Variants in ATG10 observed in about 807,000 individuals in gnomAD.
ATG10 encodes the protein ubiquitin-like-conjugating enzyme ATG10.
Under a neutral mutation model 32.1 loss-of-function variants are expected in ATG10, and 30 were observed. The observed-to-expected ratio is 0.94, with a 90% CI of 0.70 to 1.27. The LOEUF (loss-of-function observed/expected upper bound fraction) is 1.27. ATG10 is among the 50% of genes most tolerant of loss of function. The pLI, the probability that ATG10 is intolerant of heterozygous loss-of-function variation, is 0.00. For missense variants in ATG10, 233 were observed against 262.3 expected, an observed-to-expected ratio of 0.89 and a Z score of 0.77; for synonymous variants, 87 against 91.5, an observed-to-expected ratio of 0.95 and a Z score of 0.28.
intron 3 of ATG10, among the ~76,000 whole-genome samples, chr5:82,103,575 C>A (rs1157494723): frequency 6.6e-6 from 1 of 152,050 alleles, no homozygotes; most frequent in East Asian, 1.9e-4. Context: ...CCCCTGCCCC[C>A]AGGGACTTAA....
Position 82,233,321 on chromosome 5 carries a change from C to T in ATG10, c.454-19241C>T, listed in dbSNP as rs563677492. 1.3e-4 allele frequency among the ~76,000 whole-genome samples: 20 copies of T among 152,308 alleles called. No homozygotes were observed. The South Asian group carries it at 2.7e-3, about 21-fold the overall frequency. On this transcript the variant is annotated intron_variant, in intron 5 of 7. Transcript: ENST00000282185. ...CTGATCTGAGCCTAAAAATGACTAA[C>T]GAATTGCCCTTTCAACACATTTCTT...
intron 3 of ATG10, among the ~76,000 whole-genome samples, chr5:82,060,576 A>G (rs910622637): frequency 6.6e-6 from 1 of 152,192 alleles, no homozygotes; most frequent in Non-Finnish European, 1.5e-5. Flanking sequence ...TTAAAGGTTC[A>G]TGTCGGCCGG....
At chr5:82,036,457 A>G (rs1157556718) in intron 2 of ATG10, among the ~76,000 whole-genome samples, 1 of 152,050 alleles carries the variant, frequency 6.6e-6, no homozygotes, top group Non-Finnish European at 1.5e-5. Flanking sequence ...AGCCGGGCAT[A>G]GTGGCAGGCA....
chr5:81,993,360 C>CTTCTTTCCTTCTTTCTTTCTT (rs1389776064), intron 2 of ATG10, among the ~76,000 whole-genome samples: 1 of 46,772 alleles, frequency 2.1e-5, no homozygotes, highest in Non-Finnish European at 4.0e-5. Context: ...TCTTTCTTTC[C>CTTCTTTCCTTCTTTCTTTCTT]TTCTTTTCTT....
chr5:82,182,534 G>T (rs913120112), intron 5 of ATG10, among the ~76,000 whole-genome samples: 6 of 152,098 alleles, frequency 3.9e-5, no homozygotes, highest in Non-Finnish European at 8.8e-5. Context: ...ATACTACTTA[G>T]CAATAAAAAG....
intron 5 of ATG10, among the ~76,000 whole-genome samples, chr5:82,250,710 T>G (rs1747223556): frequency 6.6e-6 from 1 of 152,250 alleles, no homozygotes; most frequent in African/African-American, 2.4e-5. Flanking sequence ...GTGTGTTTAT[T>G]GGCTGTCTCC....
At position 81,983,724 on chromosome 5, in the gene ATG10, T is replaced by G. The variant is rs1201492359; in HGVS notation, c.-12-3835T>G. Among the ~76,000 whole-genome samples the G allele has an allele frequency of 5.1e-3, 607 of 119,780 alleles. 11 individuals are homozygous for G. Among genetic ancestry groups the G allele is most frequent in the African/African-American group, 0.019 (571 of 29,814 alleles). 78.6% of individuals were successfully genotyped at this position (119,780 alleles called of 152,430 possible). A position where few individuals can be genotyped will look rare whatever the true frequency, so the allele number is the denominator to read the frequency against. On this transcript the variant is annotated intron_variant, in intron 1 of 7. Transcript: ENST00000282185. ...TCCCAGATGGGGTGGCTGCCGGGCG[T>G]AGGGGCTTCTCACTTCTCAGACAGG...
intron 3 of ATG10, among the ~76,000 whole-genome samples, chr5:82,087,792 A>AT (rs1391689830): frequency 6.6e-6 from 1 of 152,070 alleles, no homozygotes; most frequent in Admixed American, 6.6e-5. Context: ...GAGAGGGTAG[A>AT]TCTTATGTTA....
At chr5:82,204,792 G>A (rs1427614150) in intron 5 of ATG10, among the ~76,000 whole-genome samples, 3 of 152,124 alleles carry the variant, frequency 2.0e-5, no homozygotes, top group Admixed American at 6.5e-5. Flanking sequence ...GATGAATTCC[G>A]TTTTCAAGAT....
At chr5:82,222,023 A>G (rs1195488859) in intron 5 of ATG10, among the ~76,000 whole-genome samples, 1 of 152,214 alleles carries the variant, frequency 6.6e-6, no homozygotes. Flanking sequence ...TGATTAGTGC[A>G]TTTCTTCCTA....
intron 3 of ATG10, among the ~76,000 whole-genome samples, chr5:82,094,008 C>T (rs553292536): frequency 6.6e-6 from 1 of 152,158 alleles, no homozygotes; most frequent in East Asian, 1.9e-4. Flanking sequence ...TTTTCTTGAC[C>T]TGGGTTCTTT....
chr5:82,190,234 C>A (rs1322167766), intron 5 of ATG10, among the ~76,000 whole-genome samples: 1 of 151,818 alleles, frequency 6.6e-6, no homozygotes. Context: ...AAATAAAATA[C>A]AAAATATCAT....
At chr5:81,989,743 C>T (rs138144008) in intron 2 of ATG10, among the ~76,000 whole-genome samples, 85 of 152,016 alleles carry the variant, frequency 5.6e-4, no homozygotes, top group Middle Eastern at 3.4e-3. Context: ...GGACTACAGG[C>T]GCCCGCCACC....
At chr5:82,188,114 T>G (rs1744523065) in intron 5 of ATG10, among the ~76,000 whole-genome samples, 1 of 152,238 alleles carries the variant, frequency 6.6e-6, no homozygotes, top group African/African-American at 2.4e-5. Context: ...TCTAAGATGT[T>G]TTATCCCATT....
chr5:82,247,980 T>C (rs1235688311), intron 5 of ATG10, among the ~76,000 whole-genome samples: 3 of 152,210 alleles, frequency 2.0e-5, no homozygotes. Flanking sequence ...TGGCCAATGA[T>C]TGGACAGAAA....
chr5:82,104,114 C>T (rs985154186), intron 3 of ATG10, among the ~76,000 whole-genome samples: 11 of 152,038 alleles, frequency 7.2e-5, no homozygotes, highest in Non-Finnish European at 1.6e-4. Context: ...ATGTTCCTTC[C>T]ATTTTTTGGC....
At chr5:82,028,163 T>C (rs1024191630) in intron 2 of ATG10, among the ~76,000 whole-genome samples, 3 of 152,220 alleles carry the variant, frequency 2.0e-5, no homozygotes, top group Admixed American at 2.0e-4. Context: ...TACTAGTGAA[T>C]GTATTGACGT....
chr5:82,083,031 G>A (rs759081085), intron 3 of ATG10, among the ~76,000 whole-genome samples: 1 of 152,324 alleles, frequency 6.6e-6, no homozygotes, highest in South Asian at 2.1e-4. Context: ...GCAGGGCGAG[G>A]CATCGCCTCA....
intron 1 of ATG10, among the ~76,000 whole-genome samples, chr5:81,981,092 C>A (rs1761034613): frequency 6.6e-6 from 1 of 152,198 alleles, no homozygotes; most frequent in Admixed American, 6.5e-5. Context: ...ACTGATACGA[C>A]TTCTCTTCTG....
Sources: gnomAD v4.1 joint callset for allele counts (sites outside exome capture counted in the v4.1 genomes callset) on GRCh38, gnomAD v4.1.1 for gene constraint, MANE v1.5 for transcripts, NCBI Gene and HGNC (gene_info 2026-07-23, HGNC 2026-07-21) for gene names.